TMEM132D: variants seen among roughly 807,000 people sequenced by gnomAD.
TMEM132D encodes transmembrane protein 132D.
TMEM132D carries 21 observed loss-of-function variants against 62.3 expected under a neutral mutation model. The ratio of observed to expected loss-of-function variants is 0.34; its 90% CI spans 0.24 to 0.49. The LOEUF is 0.49. TMEM132D is among the 20% of genes least tolerant of loss of function. The pLI is 0.99. For missense variants in TMEM132D, 1,346 were observed against 1,402.8 expected, an observed-to-expected ratio of 0.96 and a Z score of 0.65; for synonymous variants, 621 against 575.6, an observed-to-expected ratio of 1.08 and a Z score of -1.13.
At chr12:129,738,291 T>C (rs1040834941) in intron 1 of TMEM132D, among the ~76,000 whole-genome samples, 1 of 149,038 alleles carries the variant, frequency 6.7e-6, no homozygotes, top group Non-Finnish European at 1.5e-5. Flanking sequence ...TCCAAATACA[T>C]AGAGTGGACT....
chr12:129,722,389 G>A (rs1219971330), intron 1 of TMEM132D, among the ~76,000 whole-genome samples: 4 of 152,178 alleles, frequency 2.6e-5, no homozygotes, highest in South Asian at 2.1e-4. Flanking sequence ...GCAAGCCCCC[G>A]TCACATCGGT....
At chr12:129,719,562 G>A (rs963640907) in intron 1 of TMEM132D, among the ~76,000 whole-genome samples, 5 of 152,284 alleles carry the variant, frequency 3.3e-5, no homozygotes, top group East Asian at 1.9e-4. Flanking sequence ...TGAATCACAC[G>A]GGACACATTT....
chr12:129,486,992 A>G (rs1467128004), intron 3 of TMEM132D, among the ~76,000 whole-genome samples: 1 of 142,590 alleles, frequency 7.0e-6, no homozygotes, highest in East Asian at 2.1e-4. Context: ...CCTGTATTGC[A>G]GCGTGGCTGG....
At chr12:129,130,469 T>A (rs1342563143) in intron 5 of TMEM132D, among the ~76,000 whole-genome samples, 2 of 152,160 alleles carry the variant, frequency 1.3e-5, no homozygotes, top group African/African-American at 4.8e-5. Flanking sequence ...CTGGAATGAA[T>A]GCCCTAGTGC....
At chr12:129,502,160 C>T (rs1433676149) in intron 3 of TMEM132D, among the ~76,000 whole-genome samples, 11 of 152,068 alleles carry the variant, frequency 7.2e-5, no homozygotes, top group African/African-American at 1.9e-4. Flanking sequence ...TCACCACGCC[C>T]GGCTAATTTT....
At chr12:129,757,975 T>G (rs1000680734) in intron 1 of TMEM132D, among the ~76,000 whole-genome samples, 16 of 152,226 alleles carry the variant, frequency 1.1e-4, no homozygotes, top group African/African-American at 3.9e-4. Flanking sequence ...TGGTCTCGGC[T>G]CACTGCAACC....
chr12:129,412,063 G>A (rs1207823742), intron 3 of TMEM132D, among the ~76,000 whole-genome samples: 1 of 151,800 alleles, frequency 6.6e-6, no homozygotes, highest in African/African-American at 2.4e-5. Context: ...ATCTACATTA[G>A]AATGTTAGAA....
chr12:129,458,551 C>T (rs1224369343), intron 3 of TMEM132D, among the ~76,000 whole-genome samples: 1 of 152,096 alleles, frequency 6.6e-6, no homozygotes, highest in Admixed American at 6.6e-5. Flanking sequence ...AGGATAATTA[C>T]ACAGTGAGAC....
intron 1 of TMEM132D, among the ~76,000 whole-genome samples, chr12:129,875,025 G>T (rs1420652942): frequency 6.6e-6 from 1 of 152,222 alleles, no homozygotes; most frequent in Non-Finnish European, 1.5e-5. Context: ...GGATGATATT[G>T]CATCACATAT....
chr12:129,821,419 T>C (rs781088968), intron 1 of TMEM132D, among the ~76,000 whole-genome samples: 69 of 152,110 alleles, frequency 4.5e-4, no homozygotes, highest in Middle Eastern at 3.2e-3. Flanking sequence ...AGCTGTCAGA[T>C]GGAATCTTCG....
chr12:129,704,609 C>A (rs1881459534), intron 1 of TMEM132D, among the ~76,000 whole-genome samples: 1 of 152,188 alleles, frequency 6.6e-6, no homozygotes, highest in African/African-American at 2.4e-5. Flanking sequence ...ACAGAAGGCA[C>A]CTTGGAGCAA....
At chr12:129,401,227 C>T (rs762296278) in intron 3 of TMEM132D, among the ~76,000 whole-genome samples, 5 of 152,304 alleles carry the variant, frequency 3.3e-5, no homozygotes, top group East Asian at 3.9e-4. Flanking sequence ...TTTACATAAA[C>T]GCAACAGTTA....
In TMEM132D at chr12:129,441,414, T is replaced by C. The variant is rs796285448; in HGVS notation, c.1115+89645A>G. On this transcript the variant is annotated intron_variant, in intron 3 of 8. Transcript: ENST00000422113. Reference sequence around the variant, plus strand: ...CCACTTGTGAATGGCGCATCTCTAGTGATGAAGGCAACAGGCAGGAGGTGA... The same window carrying C: ...CCACTTGTGAATGGCGCATCTCTAGCGATGAAGGCAACAGGCAGGAGGTGA... Among the ~76,000 whole-genome samples, 28 of 152,266 alleles carry C rather than the reference T, an allele frequency of 1.8e-4. 1 individual carries two copies. Among genetic ancestry groups the C allele is most frequent in the African/African-American group, 6.5e-4 (27 of 41,558 alleles).
chr12:129,452,456 T>G (rs1202679789), intron 3 of TMEM132D, among the ~76,000 whole-genome samples: 1 of 152,218 alleles, frequency 6.6e-6, no homozygotes, highest in Non-Finnish European at 1.5e-5. Context: ...GAATGTTAAC[T>G]TAATTCTTGC....
rs1247284376 is a variant in TMEM132D, at chr12:129,714,409, G to A, written c.80-13711C>T. On this transcript the variant is annotated intron_variant, in intron 1 of 8. Coordinates refer to ENST00000422113, the MANE Select transcript of TMEM132D (RefSeq NM_133448.3). Reference sequence around the variant, plus strand: ...ATTGCCTCATTCAAGACTGTCATTCGGGCTGCAGGACAATGCCAGGGCACA... The same window carrying A: ...ATTGCCTCATTCAAGACTGTCATTCAGGCTGCAGGACAATGCCAGGGCACA... 7.2e-5 allele frequency among the ~76,000 whole-genome samples: 11 copies of A among 152,286 alleles called. No individual in the cohort carries two copies. The East Asian group carries it at 1.5e-3, about 21-fold the overall frequency.
intron 3 of TMEM132D, among the ~76,000 whole-genome samples, chr12:129,529,348 C>T (rs1876149223): frequency 6.6e-6 from 1 of 152,230 alleles, no homozygotes; most frequent in Non-Finnish European, 1.5e-5. Context: ...TGCATTTCTG[C>T]ATTTGGATGT....
At chr12:129,477,321 T>C (rs1593028942) in intron 3 of TMEM132D, among the ~76,000 whole-genome samples, 1 of 152,206 alleles carries the variant, frequency 6.6e-6, no homozygotes, top group Non-Finnish European at 1.5e-5. Context: ...CCTCATCCTG[T>C]GTTTTGTAAG....
intron 1 of TMEM132D, among the ~76,000 whole-genome samples, chr12:129,708,906 A>C (rs1342940793): frequency 6.6e-6 from 1 of 152,164 alleles, no homozygotes; most frequent in East Asian, 1.9e-4. Flanking sequence ...TAATACGTTG[A>C]AAAACCACAT....
chr12:129,716,595 G>T (rs1868583434), intron 1 of TMEM132D, among the ~76,000 whole-genome samples: 1 of 152,158 alleles, frequency 6.6e-6, no homozygotes, highest in South Asian at 2.1e-4. Flanking sequence ...GTCCCTCAAA[G>T]ACATCCACGT....
Sources: allele counts gnomAD v4.1 joint callset (sites outside exome capture counted in the v4.1 genomes callset), GRCh38; gene constraint gnomAD v4.1.1; transcripts MANE v1.5; gene names NCBI Gene and HGNC (gene_info 2026-07-23, HGNC 2026-07-21).